NGEF: variants seen among roughly 807,000 people sequenced by gnomAD.
The protein encoded by NGEF is neuronal guanine nucleotide exchange factor, also known as ephexin-1.
Under a neutral mutation model 80.9 loss-of-function variants are expected in NGEF, and 31 were observed. That is an observed-to-expected ratio of 0.38 (90% CI 0.29 to 0.52). The LOEUF is 0.52. Ranked by LOEUF, NGEF falls within the 20% of genes least tolerant of loss-of-function variation. The pLI is 0.84. For missense variants in NGEF, 709 were observed against 926.2 expected, an observed-to-expected ratio of 0.77 and a Z score of 3.04; for synonymous variants, 371 against 370.2, an observed-to-expected ratio of 1.00 and a Z score of -0.03.
At chr2:232,983,274 G>T (rs988711216) in intron 1 of NGEF, among the ~76,000 whole-genome samples, 1 of 152,136 alleles carries the variant, frequency 6.6e-6, no homozygotes, top group African/African-American at 2.4e-5. Context: ...CCTGGGGGTG[G>T]GGGGAGCCCC....
At chr2:232,926,298 C>T (rs2106282858) in intron 4 of NGEF, among the ~76,000 whole-genome samples, 1 of 151,868 alleles carries the variant, frequency 6.6e-6, no homozygotes, top group East Asian at 1.9e-4. Context: ...TCACGGGTGC[C>T]TCTCCTGACG....
intron 5 of NGEF, among the ~76,000 whole-genome samples, chr2:232,917,932 C>A (rs919197829): frequency 1.1e-4 from 17 of 152,022 alleles, no homozygotes; most frequent in Admixed American, 5.9e-4. Flanking sequence ...CGACACTATA[C>A]CCGGCTAATT....
chr2:232,987,322 C>A (rs1694554091), intron 1 of NGEF, among the ~76,000 whole-genome samples: 1 of 152,110 alleles, frequency 6.6e-6, no homozygotes, highest in Admixed American at 6.6e-5. Context: ...CTGGCCAGAG[C>A]AGGACTTTTT....
intron 3 of NGEF, chr2:232,928,212 G>C: frequency 1.0e-6 from 1 of 969,020 alleles, no homozygotes; most frequent in Non-Finnish European, 1.2e-6. Flanking sequence ...AGGGAGGCGG[G>C]AGGGGCGCGC....
rs1396828528 is a variant in NGEF at position 232,878,793 on chromosome 2, C to A, written c.*696G>T. ...TCGATACAAGATGCAGTGACCAATT[C>A]ATTCCTTAAAACACCTGGGCTCCTT... On this transcript the variant is annotated 3_prime_UTR_variant, in exon 15 of 15. Transcript: ENST00000264051. The A allele has an allele frequency of 6.6e-6, 1 of 152,656 alleles. No homozygotes were observed. Among genetic ancestry groups the A allele is most frequent in the Non-Finnish European group, 1.5e-5 (1 of 68,062 alleles). 9.5% of individuals were successfully genotyped at this position (152,656 alleles called of 1,614,324 possible).
intron 3 of NGEF, among the ~76,000 whole-genome samples, chr2:232,963,209 A>G (rs1693988583): frequency 6.6e-6 from 1 of 151,978 alleles, no homozygotes; most frequent in Admixed American, 6.6e-5. Flanking sequence ...AAATTAGATC[A>G]ATGAAACAGA....
intron 3 of NGEF, among the ~76,000 whole-genome samples, chr2:232,931,857 G>A (rs1045530194): frequency 3.3e-5 from 5 of 152,146 alleles, no homozygotes; most frequent in Admixed American, 6.5e-5. Context: ...TTCAGAAATC[G>A]TCTGGCTGCC....
At chr2:232,957,319 T>G (rs1693851273) in intron 3 of NGEF, among the ~76,000 whole-genome samples, 1 of 152,112 alleles carries the variant, frequency 6.6e-6, no homozygotes, top group Admixed American at 6.6e-5. Context: ...TTATTACTAC[T>G]ACTAATAATT....
chr2:232,880,624 G>A lies in NGEF; in HGVS notation c.1942+522C>T, dbSNP rs574025090. Among the ~76,000 whole-genome samples, 11 of 152,328 alleles carry A rather than the reference G, an allele frequency of 7.2e-5. No individual in the cohort carries two copies. In the South Asian group the frequency reaches 1.2e-3, roughly 17 times the overall value. ...AGATGTGATTTGAAAAGGGAAAGGG[G>A]GTCAGTGTTCAATTCTACAGGGGCT... On this transcript the variant is annotated intron_variant, in intron 14 of 14. Coordinates refer to ENST00000264051, the MANE Select transcript of NGEF (RefSeq NM_019850.3).
intron 1 of NGEF, among the ~76,000 whole-genome samples, chr2:233,007,014 C>T (rs954009401): frequency 4.6e-5 from 7 of 152,156 alleles, no homozygotes; most frequent in East Asian, 3.9e-4. Flanking sequence ...GGGCCTGAGG[C>T]GGGCTGATCA....
At chr2:232,938,833 T>C (rs1252576690) in intron 3 of NGEF, among the ~76,000 whole-genome samples, 2 of 149,848 alleles carry the variant, frequency 1.3e-5, no homozygotes, top group East Asian at 3.9e-4. Flanking sequence ...GTTGCCTAGG[T>C]GCACATAATT....
At chr2:232,930,724 C>T (rs13390935) in intron 3 of NGEF, among the ~76,000 whole-genome samples, 24,891 of 152,136 alleles carry the variant, frequency 0.16, 2,592 homozygotes, top group Non-Finnish European at 0.22. Flanking sequence ...AAGGCCCCAC[C>T]ACCTAATACC....
At chr2:232,920,737 A>G (rs1692924819) in intron 4 of NGEF, 152 bp from the exon 5 acceptor site, 2 of 534,252 alleles carry the variant, frequency 3.7e-6, no homozygotes, top group Non-Finnish European at 5.9e-6. Flanking sequence ...TCTCAGCGGC[A>G]GGCTCCAGGC....
intron 5 of NGEF, among the ~76,000 whole-genome samples, chr2:232,907,159 T>TAAAAAAAAAAAAAA (rs1181408500): frequency 3.9e-5 from 1 of 25,798 alleles, no homozygotes; most frequent in South Asian, 8.5e-4. Context: ...AATGATCAAT[T>TAAAAAAAAAAAAAA]AAAAAAAAAA....
chr2:232,959,958 C>T (rs1287905477), intron 3 of NGEF, among the ~76,000 whole-genome samples: 1 of 152,180 alleles, frequency 6.6e-6, no homozygotes, highest in Non-Finnish European at 1.5e-5. Context: ...CCAGCTACAG[C>T]AGAGCTGTTA....
chr2:232,899,821 T>C (rs1692233228), intron 5 of NGEF, among the ~76,000 whole-genome samples: 2 of 132,120 alleles, frequency 1.5e-5, no homozygotes, highest in Non-Finnish European at 3.2e-5. Context: ...CAGTCACTCA[T>C]ATACACGTTC....
At chr2:232,930,326 C>CTTTT (rs35840661) in intron 3 of NGEF, among the ~76,000 whole-genome samples, 1 of 144,490 alleles carries the variant, frequency 6.9e-6, no homozygotes, top group East Asian at 2.1e-4. Flanking sequence ...CTCTCTCTCT[C>CTTTT]TTTTTTTTTT....
intron 5 of NGEF, among the ~76,000 whole-genome samples, chr2:232,900,805 CAT>C (rs200304258): frequency 1.2e-4 from 18 of 152,214 alleles, no homozygotes; most frequent in African/African-American, 3.9e-4. Context: ...CACACACACA[CAT>C]GCTCTCACAC....
chr2:232,982,480 G>A lies in NGEF; in HGVS notation c.-74-7516C>T, dbSNP rs149151005. On this transcript the variant is annotated intron_variant, in intron 1 of 14. Coordinates refer to ENST00000264051, the MANE Select transcript of NGEF (RefSeq NM_019850.3). ...TCCTTCCTGGTCCTTGAATTGGTACGTTAGCCTCTTCCCAGGTAGGAAGCA... is the reference window on the plus strand; with the variant it reads ...TCCTTCCTGGTCCTTGAATTGGTACATTAGCCTCTTCCCAGGTAGGAAGCA... Among the ~76,000 whole-genome samples the A allele has an allele frequency of 9.2e-5, 14 of 152,220 alleles. No individual in the cohort carries two copies. The East Asian group carries it at 2.3e-3, about 25-fold the overall frequency.
Sources: gnomAD v4.1 joint callset for allele counts (sites outside exome capture counted in the v4.1 genomes callset) on GRCh38, gnomAD v4.1.1 for gene constraint, MANE v1.5 for transcripts, NCBI Gene and HGNC (gene_info 2026-07-23, HGNC 2026-07-21) for gene names.